Variants in VWA3B observed in about 807,000 individuals in gnomAD.
VWA3B encodes the protein von Willebrand factor A domain-containing protein 3B.
In VWA3B, 138 loss-of-function variants were observed where a neutral mutation model predicts 158.3. That is an observed-to-expected ratio of 0.87 (90% CI 0.76 to 1.00). VWA3B has a LOEUF of 1.00. Ranked by LOEUF, VWA3B falls within the 50% of genes least tolerant of loss-of-function variation. The pLI is 0.00. For missense variants in VWA3B, 1,555 were observed against 1,565.1 expected, an observed-to-expected ratio of 0.99 and a Z score of 0.11; for synonymous variants, 596 against 587.3, an observed-to-expected ratio of 1.01 and a Z score of -0.21.
chr2:98,129,617 C>T (rs1166071307), intron 6 of VWA3B, among the ~76,000 whole-genome samples: 8 of 151,982 alleles, frequency 5.3e-5, no homozygotes, highest in Non-Finnish European at 1.0e-4. Flanking sequence ...GCAGTAGGCT[C>T]CTTATCTATT....
chr2:98,320,211 C>T, the VWA3B span, among the ~76,000 whole-genome samples: 43 of 152,182 alleles, frequency 2.8e-4, no homozygotes, highest in African/African-American at 1.0e-3. Context: ...ACTCTCTTGC[C>T]TGCCACCAAG....
chr2:98,255,451 G>T (rs1361802099), intron 20 of VWA3B, among the ~76,000 whole-genome samples: 1 of 151,868 alleles, frequency 6.6e-6, no homozygotes, highest in Non-Finnish European at 1.5e-5. Flanking sequence ...ACAGAACTGG[G>T]CTGGGAACTC....
At chr2:98,239,746 T>C (rs892107235) in intron 19 of VWA3B, among the ~76,000 whole-genome samples, 2 of 151,788 alleles carry the variant, frequency 1.3e-5, no homozygotes, top group African/African-American at 4.8e-5. Flanking sequence ...ACTCCGTCTG[T>C]ACTAAAAATA....
At chr2:98,165,993 A>T (rs970152900) in intron 8 of VWA3B, among the ~76,000 whole-genome samples, 1 of 152,062 alleles carries the variant, frequency 6.6e-6, no homozygotes, top group Admixed American at 6.6e-5. Context: ...CCCAGTTCAT[A>T]CAATGAAGCC....
chr2:98,266,248 C>T (rs956768984), intron 21 of VWA3B, among the ~76,000 whole-genome samples: 8 of 152,042 alleles, frequency 5.3e-5, no homozygotes, highest in Non-Finnish European at 1.5e-5. Flanking sequence ...GATCCAGTTT[C>T]AGCTTTCTAC....
intron 15 of VWA3B, 33 bp downstream of exon 15, chr2:98,228,365 T>C (rs1685086829): frequency 3.8e-6 from 6 of 1,589,878 alleles, no homozygotes; most frequent in East Asian, 2.2e-5. Flanking sequence ...CTCCCTGCGC[T>C]GAGGCCTCTT....
chr2:98,276,965 C>T (rs1437701866), intron 22 of VWA3B, among the ~76,000 whole-genome samples: 1 of 152,130 alleles, frequency 6.6e-6, no homozygotes, highest in Non-Finnish European at 1.5e-5. Context: ...GGGAAGGAGA[C>T]ACGGCAGCAA....
chr2:98,208,551 G>A (rs62154941), intron 12 of VWA3B, among the ~76,000 whole-genome samples: 7,181 of 152,044 alleles, frequency 0.047, 252 homozygotes, highest in Middle Eastern at 0.082. Flanking sequence ...ATAGTTCTAT[G>A]TATTTCCTTA....
chr2:98,312,227 G>T lies in VWA3B; in HGVS notation c.3763G>T (p.Gly1255Trp). Residue 1255 changes from glycine (G) to tryptophan (W), a missense_variant, in exon 28 of 28, where the codon GGG becomes TGG. Physicochemically the swap from Gly to Trp is radical, Grantham distance 184. Transcript: ENST00000477737. ...RTAHLHFPAA[G>W]RLGLSSHAII... ...AGCCCACCTCCACTTCCCCGCGGCCGGGCGTCTAGGACTCAGCAGCCACGC... is the reference window on the plus strand; with the variant it reads ...AGCCCACCTCCACTTCCCCGCGGCCTGGCGTCTAGGACTCAGCAGCCACGC... 1.2e-6 allele frequency: 2 copies of T among 1,614,074 alleles called. No individual in the cohort carries two copies. The highest frequency in any genetic ancestry group is 1.1e-5 in the South Asian group (1 of 91,082).
intron 14 of VWA3B, among the ~76,000 whole-genome samples, chr2:98,226,021 TAGG>T (rs892501993): frequency 6.6e-6 from 1 of 152,272 alleles, no homozygotes; most frequent in Non-Finnish European, 1.5e-5. Flanking sequence ...GCTTGATCTA[TAGG>T]TTTATCAAAA....
intron 5 of VWA3B, among the ~76,000 whole-genome samples, chr2:98,127,958 T>C (rs750845195): frequency 6.6e-6 from 1 of 152,170 alleles, no homozygotes; most frequent in Non-Finnish European, 1.5e-5. Context: ...ACCTGTGCGA[T>C]ATATTTGTGG....
chr2:98,211,893 G>A (rs767711245), intron 12 of VWA3B, 37 bp from the exon 13 acceptor site: 1 of 1,558,894 alleles, frequency 6.4e-7, no homozygotes, highest in Non-Finnish European at 8.8e-7. Context: ...TCTTTTTTGG[G>A]ATTCAAGTGT....
chr2:98,267,717 C>T (rs1414992551), intron 21 of VWA3B, among the ~76,000 whole-genome samples: 1 of 151,674 alleles, frequency 6.6e-6, no homozygotes, highest in East Asian at 1.9e-4. Flanking sequence ...AATAGAGACA[C>T]AAAAAACCCT....
chr2:98,228,364 C>T, intron 15 of VWA3B, 32 bp downstream of exon 15: 2 of 1,597,196 alleles, frequency 1.3e-6, no homozygotes, highest in Non-Finnish European at 8.5e-7. Flanking sequence ...TCTCCCTGCG[C>T]TGAGGCCTCT....
At chr2:98,142,380 G>A (rs1477629626) in intron 7 of VWA3B, among the ~76,000 whole-genome samples, 2 of 152,104 alleles carry the variant, frequency 1.3e-5, no homozygotes, top group Admixed American at 1.3e-4. Context: ...CCAAGCCAAA[G>A]GCAGGCTCCC....
chr2:98,144,591 G>T (rs913115403), intron 7 of VWA3B, among the ~76,000 whole-genome samples: 1 of 150,418 alleles, frequency 6.6e-6, no homozygotes, highest in Non-Finnish European at 1.5e-5. Flanking sequence ...AATTGAAATG[G>T]AGTCTTGCTC....
chr2:98,287,499 A>C (rs563793168), intron 22 of VWA3B, among the ~76,000 whole-genome samples: 3 of 152,224 alleles, frequency 2.0e-5, no homozygotes, highest in African/African-American at 7.2e-5. Context: ...GGATGATGGA[A>C]TGAAGGCTAC....
chr2:98,239,413 G>T (rs540646030), intron 19 of VWA3B, among the ~76,000 whole-genome samples: 1 of 152,112 alleles, frequency 6.6e-6, no homozygotes, highest in Admixed American at 6.6e-5. Context: ...TAGTGTGTTA[G>T]AAACTTGGTT....
chr2:98,236,942 G>A lies in VWA3B; in HGVS notation c.2673+212G>A. 1.1e-5 allele frequency: 6 copies of A among 564,610 alleles called. No individual in the cohort carries two copies. The South Asian group carries it at 1.3e-4, about 12-fold the overall frequency. 35.0% of individuals were successfully genotyped at this position (564,610 alleles called of 1,614,324 possible). A position where few individuals can be genotyped will look rare whatever the true frequency, so the allele number is the denominator to read the frequency against. On this transcript the variant is annotated intron_variant, in intron 19 of 27. Transcript: ENST00000477737. Reference sequence around the variant, plus strand: ...TGTAACCCCAGCACTTGGGAAGGCTGTGGTGGGTGGATCCCTTGAATCCAG... The same window carrying A: ...TGTAACCCCAGCACTTGGGAAGGCTATGGTGGGTGGATCCCTTGAATCCAG...
Sources: gnomAD v4.1 joint callset for allele counts (sites outside exome capture counted in the v4.1 genomes callset) on GRCh38, gnomAD v4.1.1 for gene constraint, MANE v1.5 for transcripts, NCBI Gene and HGNC (gene_info 2026-07-23, HGNC 2026-07-21) for gene names.